Variants in KIFC3 observed in about 807,000 individuals in gnomAD.
KIFC3 encodes the protein kinesin-like protein KIFC3.
KIFC3 carries 60 observed loss-of-function variants against 101.8 expected under a neutral mutation model. The observed-to-expected ratio is 0.59, with a 90% CI of 0.48 to 0.73. The LOEUF (loss-of-function observed/expected upper bound fraction) is 0.73. KIFC3 is among the 30% of genes least tolerant of loss of function. The probability of loss-of-function intolerance (pLI) is 0.00; values close to 1 mark genes in which losing one functional copy is unlikely to be tolerated. For synonymous variants in KIFC3, 476 were observed against 482.7 expected (o/e 0.99, Z 0.18); for missense variants, 966 against 1,137.1 (o/e 0.85, Z 2.16).
chr16:57,762,920 C>T (rs1567939088), intron 12 of KIFC3, among the ~76,000 whole-genome samples: 1 of 152,210 alleles, frequency 6.6e-6, no homozygotes, highest in Non-Finnish European at 1.5e-5. Context: ...TCCCTCTGCC[C>T]CGGGTACTCC....
chr16:57,846,260 C>T (rs1468869796), intron 1 of KIFC3: 7 of 152,190 alleles, frequency 4.6e-5, no homozygotes, highest in Non-Finnish European at 1.0e-4. Flanking sequence ...CCTTTGCTGC[C>T]CAGAGAGCAC....
chr16:57,851,986 T>G (rs1310102932), intron 1 of KIFC3, among the ~76,000 whole-genome samples: 2 of 151,980 alleles, frequency 1.3e-5, no homozygotes, highest in Admixed American at 1.3e-4. Context: ...AGTGATCCTC[T>G]CTCCTCGGCC....
intron 12 of KIFC3, 35 bp from the exon 13 acceptor site, chr16:57,762,305 C>A (rs2049958818): frequency 6.7e-7 from 1 of 1,495,462 alleles, no homozygotes; most frequent in Non-Finnish European, 9.0e-7. Flanking sequence ...GTAAGCCAGG[C>A]CTGTCCCCAA....
At position 57,771,614 on chromosome 16, in the gene KIFC3, G is replaced by C; in HGVS notation, c.454C>G (p.Arg152Gly). The change falls in exon 5 of 20, where the codon CGC becomes GGC. Residue 152 changes from arginine to glycine, a missense_variant. Arg to Gly is a moderately radical substitution (Grantham distance 125). Transcript: ENST00000445690. Reference protein sequence around the residue: ...ENERLRQEMRRCEAELQELRT... With the variant: ...ENERLRQEMRGCEAELQELRT... ...AGCTCTTGCAGCTCGGCCTCACAGC[G>C]CCGCATCTCCTGCCTCAGTCGCTCA... is the stretch of plus-strand genomic sequence containing the variant. 1 of 1,613,316 alleles carries C rather than the reference G, an allele frequency of 6.2e-7. No individual in the cohort carries two copies. The highest frequency in any genetic ancestry group is 1.1e-5 in the South Asian group (1 of 91,088).
At chr16:57,795,923 T>G (rs1342872428) in intron 2 of KIFC3, among the ~76,000 whole-genome samples, 1 of 127,624 alleles carries the variant, frequency 7.8e-6, no homozygotes, top group African/African-American at 3.0e-5. Flanking sequence ...AGACAGGGCC[T>G]CTCTCTGTTG....
At chr16:57,762,421 T>A (rs1555598978) in intron 12 of KIFC3, 151 bp from the exon 13 acceptor site, 2 of 765,004 alleles carry the variant, frequency 2.6e-6, no homozygotes, top group South Asian at 2.0e-5. Flanking sequence ...CAAAATGCCC[T>A]CCACCAGCTG....
chr16:57,772,115 G>A, intron 4 of KIFC3, 108 bp downstream of exon 4: 2 of 890,474 alleles, frequency 2.2e-6, no homozygotes, highest in Non-Finnish European at 3.5e-6. Context: ...GACAGGGTGG[G>A]ATATGCGGGC....
chr16:57,771,737 G>C, intron 4 of KIFC3, 51 bp from the exon 5 acceptor site: 1 of 1,574,316 alleles, frequency 6.4e-7, no homozygotes, highest in Admixed American at 1.8e-5. Flanking sequence ...CAGATGACGG[G>C]GGAAAGAAGA....
chr16:57,779,392 G>C (rs927657337), intron 3 of KIFC3: 1 of 152,186 alleles, frequency 6.6e-6, no homozygotes, highest in Admixed American at 6.5e-5. Context: ...GACAGATGGC[G>C]AATGAGGAGT....
At chr16:57,794,974 C>A in intron 3 of KIFC3, 25 bp downstream of exon 3, 1 of 1,522,688 alleles carries the variant, frequency 6.6e-7, no homozygotes, top group Non-Finnish European at 8.7e-7. Flanking sequence ...AAGGCACATG[C>A]AGCCTGGAAG....
At chr16:57,799,306 G>A (rs936295157) in intron 1 of KIFC3, among the ~76,000 whole-genome samples, 1 of 152,184 alleles carries the variant, frequency 6.6e-6, no homozygotes, top group African/African-American at 2.4e-5. Flanking sequence ...CAGAAGAAGC[G>A]AAGTCAGCTT....
At chr16:57,796,086 T>C (rs2054298069) in intron 2 of KIFC3, among the ~76,000 whole-genome samples, 1 of 151,792 alleles carries the variant, frequency 6.6e-6, no homozygotes, top group South Asian at 2.1e-4. Flanking sequence ...AGACACAGAG[T>C]TTCACCATGT....
At chr16:57,854,310 TATA>T (rs2056120136) in intron 1 of KIFC3, among the ~76,000 whole-genome samples, 1 of 152,146 alleles carries the variant, frequency 6.6e-6, no homozygotes, top group Non-Finnish European at 1.5e-5. Flanking sequence ...CCACTTTATA[TATA>T]ATGATATAGG....
chr16:57,763,499 G>GAATC (rs1381450065), intron 12 of KIFC3, among the ~76,000 whole-genome samples: 48 of 152,206 alleles, frequency 3.2e-4, no homozygotes, highest in Non-Finnish European at 3.7e-4. Context: ...CTGACCTAGG[G>GAATC]AATCAATCCC....
chr16:57,798,159 C>CGGGCT lies in KIFC3; in HGVS notation c.80_84dup (p.Glu29SerfsTer29). ...GGGGCGGGGCGAGCCATCCCCGGCT[C>CGGGCT]GGGCTCCGGGGCCCGGCCCACTCTC... On this transcript the variant is annotated frameshift_variant, in exon 2 of 20. Coordinates refer to ENST00000445690, the MANE Select transcript of KIFC3 (RefSeq NM_001130100.2). LOFTEE classifies it high-confidence loss of function. The CGGGCT allele has an allele frequency of 6.5e-7, 1 of 1,542,612 alleles. No homozygotes were observed. Among genetic ancestry groups the CGGGCT allele is most frequent in the South Asian group, 1.2e-5 (1 of 82,870 alleles).
At chr16:57,781,582 C>G (rs1434414825) in intron 3 of KIFC3, among the ~76,000 whole-genome samples, 1 of 152,194 alleles carries the variant, frequency 6.6e-6, no homozygotes, top group African/African-American at 2.4e-5. Flanking sequence ...CCCAACTGCT[C>G]TCAGTAAATA....
chr16:57,788,203 G>A (rs868919732), intron 3 of KIFC3, among the ~76,000 whole-genome samples: 2 of 152,202 alleles, frequency 1.3e-5, no homozygotes, highest in African/African-American at 4.8e-5. Flanking sequence ...GAGGGAGAAG[G>A]CCGAGTCTCT....
intron 1 of KIFC3, among the ~76,000 whole-genome samples, chr16:57,841,306 G>GACCTGAA (rs1411851739): frequency 6.6e-6 from 1 of 152,172 alleles, no homozygotes; most frequent in African/African-American, 2.4e-5. Context: ...ACCTGAAGGA[G>GACCTGAA]GTAGGGAAGT....
At chr16:57,857,829 T>C (rs1227669770) in intron 1 of KIFC3, among the ~76,000 whole-genome samples, 75 of 116,684 alleles carry the variant, frequency 6.4e-4, no homozygotes, top group East Asian at 8.9e-4. Context: ...TTTCTTTTTT[T>C]TTTTTTTTTT....
Sources: gnomAD v4.1 joint callset for allele counts (sites outside exome capture counted in the v4.1 genomes callset) on GRCh38, gnomAD v4.1.1 for gene constraint, MANE v1.5 for transcripts, NCBI Gene and HGNC (gene_info 2026-07-23, HGNC 2026-07-21) for gene names.